Variants in CNOT3 observed in about 807,000 individuals in gnomAD.
CNOT3 encodes the protein CCR4-NOT transcription complex subunit 3, also known as CCR4-associated factor 3.
In CNOT3, 2 loss-of-function variants were observed where a neutral mutation model predicts 89.4. That is an observed-to-expected ratio of 0.02 (90% CI 0.01 to 0.07). CNOT3 has a LOEUF of 0.07. Ranked by LOEUF, CNOT3 falls within the 10% of genes least tolerant of loss-of-function variation. The probability of loss-of-function intolerance (pLI) is 1.00; values close to 1 mark genes in which losing one functional copy is unlikely to be tolerated. For missense variants in CNOT3, 664 were observed against 1,010.2 expected (o/e 0.66, Z 4.65); for synonymous variants, 486 against 402.0 (o/e 1.21, Z -2.50).
chr19:54,149,355 C>T (rs1312000232), intron 12 of CNOT3, among the ~76,000 whole-genome samples: 2 of 152,216 alleles, frequency 1.3e-5, no homozygotes, highest in Non-Finnish European at 2.9e-5. Context: ...CAGCTCTGCT[C>T]TGCTGATGAG....
chr19:54,145,645 C>T lies in CNOT3; in HGVS notation c.531C>T (p.Arg177=). 6.2e-7 allele frequency: 1 copy of T among 1,613,940 alleles called. No homozygotes were observed. Among genetic ancestry groups the T allele is most frequent in the Non-Finnish European group, 8.5e-7 (1 of 1,179,858 alleles). The change falls in exon 8 of 18, where the codon CGC becomes CGT. Residue 177 remains arginine (R), a synonymous_variant. Coordinates refer to ENST00000221232, the MANE Select transcript of CNOT3 (RefSeq NM_014516.4). This position sits in a 1 kb window ranked among gnomAD's most constrained non-coding sequence, Gnocchi z 5.9. ...TGAAGCGGCACATCGAGAAGCACCG[C>T]TACCACGTGCGCATGCTAGAGACCA... is the stretch of plus-strand genomic sequence containing the variant. ...EGLKRHIEKH[R]YHVRMLETIL...
chr19:54,142,907 C>T, intron 1 of CNOT3, 22 bp from the exon 2 acceptor site: 2 of 1,493,012 alleles, frequency 1.3e-6, no homozygotes, highest in South Asian at 1.1e-5. Flanking sequence ...CGTGTTAATT[C>T]CTCTCCAATC....
intron 10 of CNOT3, 97 bp downstream of exon 10, chr19:54,146,754 G>A: frequency 1.3e-6 from 1 of 771,470 alleles, no homozygotes; most frequent in East Asian, 2.4e-5. Context: ...GTGCTGGGCT[G>A]GTGGACACAG....
chr19:54,139,487 C>T (rs919682018), intron 1 of CNOT3, among the ~76,000 whole-genome samples: 1 of 152,086 alleles, frequency 6.6e-6, no homozygotes. Flanking sequence ...GGGGCTCTTC[C>T]CTCTGGGGCT....
chr19:54,149,446 C>G (rs587681975), intron 12 of CNOT3, 114 bp from the exon 13 acceptor site: 1 of 584,996 alleles, frequency 1.7e-6, no homozygotes, highest in East Asian at 3.1e-5. Context: ...CTCACCTGCC[C>G]CTCTCAGATC....
At position 54,152,336 on chromosome 19, in the gene CNOT3, C is replaced by T. The variant is rs1448629126; in HGVS notation, c.1705+11C>T. Reference sequence around the variant, plus strand: ...ACCTGACCGAGCGAGGTGAGGGACCCAGGATGGTGGGGAAGCAGCGGGCCA... The same window carrying T: ...ACCTGACCGAGCGAGGTGAGGGACCTAGGATGGTGGGGAAGCAGCGGGCCA... On this transcript the variant is annotated intron_variant, in intron 14 of 17. Coordinates refer to ENST00000221232, the MANE Select transcript of CNOT3 (RefSeq NM_014516.4). 2 of 1,614,054 alleles carry T rather than the reference C, an allele frequency of 1.2e-6. No individual in the cohort carries two copies. Among genetic ancestry groups the T allele is most frequent in the Non-Finnish European group, 1.7e-6 (2 of 1,180,018 alleles).
At chr19:54,146,759 A>G (rs2074695307) in intron 10 of CNOT3, 102 bp downstream of exon 10, 1 of 773,228 alleles carries the variant, frequency 1.3e-6, no homozygotes, top group Non-Finnish European at 2.4e-6. Context: ...GGGCTGGTGG[A>G]CACAGGTGGC....
Position 54,155,574 on chromosome 19 carries a change from G to T in CNOT3, c.*167G>T. The T allele has an allele frequency of 1.0e-6, 1 of 988,006 alleles. No individual in the cohort carries two copies. Among genetic ancestry groups the T allele is most frequent in the Non-Finnish European group, 1.5e-6 (1 of 679,048 alleles). The allele number at this position is 988,006 out of a possible 1,614,324, so 61.2% of individuals were successfully genotyped here. The stretch of plus-strand genomic sequence containing the variant: ...GGTTTTCCTCTCAGCCCCACCCTGG[G>T]GGCCCGGGGGCGAGGGCTGCCCCCT... On this transcript the variant is annotated 3_prime_UTR_variant, in exon 18 of 18. Transcript: ENST00000221232.
chr19:54,151,743 C>A (rs2075126201), intron 13 of CNOT3, among the ~76,000 whole-genome samples: 1 of 152,174 alleles, frequency 6.6e-6, no homozygotes, highest in Non-Finnish European at 1.5e-5. Flanking sequence ...TGAAGCCTAG[C>A]CGGGCTGGGC....
chr19:54,145,252 G>T lies in CNOT3; in HGVS notation c.484-346G>T, dbSNP rs2074614472. ...TATGCCAGAGGCAGTCACAGTGGTG[G>T]GCGGGCTCAGTTGAGAAATCTGGGC... On this transcript the variant is annotated intron_variant, in intron 7 of 17. Coordinates refer to ENST00000221232, the MANE Select transcript of CNOT3 (RefSeq NM_014516.4). This position sits in a 1 kb window ranked among gnomAD's most constrained non-coding sequence, Gnocchi z 5.9. Among the ~76,000 whole-genome samples the T allele has an allele frequency of 1.3e-5, 2 of 152,138 alleles. No individual in the cohort carries two copies. The highest frequency in any genetic ancestry group is 4.1e-4 in the South Asian group (2 of 4,836).
Position 54,144,746 on chromosome 19 carries a change from A to C in CNOT3, c.483+414A>C, listed in dbSNP as rs1419212428. Among the ~76,000 whole-genome samples, 2 of 152,230 alleles carry C rather than the reference A, an allele frequency of 1.3e-5. No homozygotes were observed. Among genetic ancestry groups the C allele is most frequent in the East Asian group, 3.8e-4 (2 of 5,202 alleles). Reference sequence around the variant, plus strand: ...AGACAAGGCAGAACATGGAGAAGGCAGAGAACCAGGCCTGAAGGAAGACAG... The same window carrying C: ...AGACAAGGCAGAACATGGAGAAGGCCGAGAACCAGGCCTGAAGGAAGACAG... On this transcript the variant is annotated intron_variant, in intron 7 of 17. Transcript: ENST00000221232. The surrounding 1 kb of genome is among the most constrained non-coding windows in gnomAD (Gnocchi z 4.8).
At chr19:54,142,876 G>A in intron 1 of CNOT3, 53 bp from the exon 2 acceptor site, 1 of 1,236,122 alleles carries the variant, frequency 8.1e-7, no homozygotes, top group Admixed American at 1.7e-5. Flanking sequence ...ATGTCTCTGG[G>A]TTTTTACCAG....
chr19:54,153,384 C>T, intron 16 of CNOT3: 1 of 767,730 alleles, frequency 1.3e-6, no homozygotes, highest in Non-Finnish European at 2.4e-6. Flanking sequence ...CCAGCCCCCT[C>T]CCAACCCCAG....
In CNOT3 at chr19:54,155,491, G is replaced by A. The variant is rs1486151938; in HGVS notation, c.*84G>A. 2.9e-6 allele frequency: 3 copies of A among 1,042,868 alleles called. No individual in the cohort carries two copies. The East Asian group carries it at 7.8e-5, about 27-fold the overall frequency. The allele number at this position is 1,042,868 out of a possible 1,614,324, so 64.6% of individuals were successfully genotyped here. On this transcript the variant is annotated 3_prime_UTR_variant, in exon 18 of 18. Coordinates refer to ENST00000221232, the MANE Select transcript of CNOT3 (RefSeq NM_014516.4). ...GAGGGCCCTGCCCTGGAAGACTGGA[G>A]GGAGGCCCCAAGCCACGGGGCATCC...
At position 54,143,525 on chromosome 19, in the gene CNOT3, G is replaced by C. The variant is rs587694992; in HGVS notation, c.168+9G>C. 7 of 1,613,898 alleles carry C rather than the reference G, an allele frequency of 4.3e-6. No homozygotes were observed. In the South Asian group the frequency reaches 7.7e-5, roughly 18 times the overall value. On this transcript the variant is annotated intron_variant, in intron 4 of 17. Transcript: ENST00000221232. Reference sequence around the variant, plus strand: ...AGATTAAGAAGCTACAAGTGAGGGGGCTGGGGGCCTGGACGCCTTTGTCCT... The same window carrying C: ...AGATTAAGAAGCTACAAGTGAGGGGCCTGGGGGCCTGGACGCCTTTGTCCT...
At chr19:54,151,156 G>A (rs984220145) in intron 13 of CNOT3, among the ~76,000 whole-genome samples, 7 of 151,460 alleles carry the variant, frequency 4.6e-5, no homozygotes, top group African/African-American at 1.5e-4. Flanking sequence ...AAGGGAAACA[G>A]CAGCTTTGAG....
chr19:54,139,962 G>A (rs779127208), intron 1 of CNOT3, among the ~76,000 whole-genome samples: 7 of 152,110 alleles, frequency 4.6e-5, no homozygotes, highest in Non-Finnish European at 8.8e-5. Flanking sequence ...CTGGGTTAAG[G>A]ATCACCCTTC....
chr19:54,152,650 AT>A (rs1477885361), intron 15 of CNOT3, 24 bp downstream of exon 15: 1 of 1,575,586 alleles, frequency 6.3e-7, no homozygotes, highest in African/African-American at 1.3e-5. Flanking sequence ...GGGAAGGGGG[AT>A]GGTCTGGGAC....
rs1226345544 is a variant in CNOT3 at position 54,143,381 on chromosome 19, C to T, written c.94-61C>T. ...GAGTCCCTAGCATAAGGAAGAATCA[C>T]TGGAGTGGGTACTGGGACATCCCCT... On this transcript the variant is annotated intron_variant, in intron 3 of 17. Transcript: ENST00000221232. 9 of 1,540,182 alleles carry T rather than the reference C, an allele frequency of 5.8e-6. No homozygotes were observed. The East Asian group carries it at 1.6e-4, about 27-fold the overall frequency.
Sources: gnomAD v4.1 joint callset for allele counts (sites outside exome capture counted in the v4.1 genomes callset) on GRCh38, gnomAD v4.1.1 for gene constraint, Gnocchi (gnomAD v3.1) non-coding constraint, MANE v1.5 for transcripts, NCBI Gene and HGNC (gene_info 2026-07-23, HGNC 2026-07-21) for gene names.